The following SP3 variants were observed in gnomAD, a reference collection of about 807,000 sequenced individuals.
SP3 encodes transcription factor Sp3.
A neutral mutation model predicts 70.3 loss-of-function variants in SP3; 10 were observed. That is an observed-to-expected ratio of 0.14 (90% CI 0.09 to 0.24). The LOEUF (loss-of-function observed/expected upper bound fraction) is 0.24. SP3 is among the 10% of genes least tolerant of loss of function. The pLI is 1.00. For missense variants in SP3, 825 were observed against 914.6 expected, an observed-to-expected ratio of 0.90 and a Z score of 1.26; for synonymous variants, 402 against 333.5, an observed-to-expected ratio of 1.21 and a Z score of -2.24.
Position 173,918,614 on chromosome 2 carries a change from T to G in SP3, c.1811A>C (p.Asn604Thr). 6.2e-7 allele frequency: 1 copy of G among 1,613,548 alleles called. No individual in the cohort carries two copies. Among genetic ancestry groups the G allele is most frequent in the Non-Finnish European group, 8.5e-7 (1 of 1,179,594 alleles). Reference protein sequence around the residue: ...RLRRVACTCPNCKEGGGRGTN... With the variant: ...RLRRVACTCPTCKEGGGRGTN... ...ATACCTTCCACCACCTTCTTTACAG[T>G]TGGGACAGGTGCAAGCTACCCTCCG... The change falls in exon 5 of 7, where the codon AAC becomes ACC. Residue 604 changes from asparagine to threonine, a missense_variant. Asn to Thr is a moderately conservative substitution (Grantham distance 65). Coordinates refer to ENST00000310015, the MANE Select transcript of SP3 (RefSeq NM_003111.5).
intron 4 of SP3, among the ~76,000 whole-genome samples, chr2:173,928,723 G>A (rs538630792): frequency 5.9e-4 from 90 of 152,118 alleles, no homozygotes; most frequent in Non-Finnish European, 1.1e-3. Flanking sequence ...CATCTCTGCC[G>A]TATTACCTAT....
chr2:173,910,312 A>C, intron 6 of SP3, 55 bp from the exon 7 acceptor site: 1 of 1,467,426 alleles, frequency 6.8e-7, no homozygotes, highest in Non-Finnish European at 9.5e-7. Context: ...TTAATAGCTC[A>C]ATCATCTCCC....
chr2:173,919,626 T>C (rs918830094), intron 4 of SP3, among the ~76,000 whole-genome samples: 1 of 152,094 alleles, frequency 6.6e-6, no homozygotes, highest in Non-Finnish European at 1.5e-5. Flanking sequence ...TTGTTAAATA[T>C]CAGGGAAATA....
rs1167499437 is a variant in SP3 at position 173,907,150 on chromosome 2, CTTAAA to C, written c.*2786_*2790del. 6.6e-6 allele frequency: 1 copy of C among 152,098 alleles called. No individual in the cohort carries two copies. The allele number at this position is 152,098 out of a possible 1,614,324, so 9.4% of individuals were successfully genotyped here. A position where few individuals can be genotyped will look rare whatever the true frequency, so the allele number is the denominator to read the frequency against. ...TGAGATGCTCTTTAAGTGATACTTT[CTTAAA>C]TTAAAATTTGAGGTATACAGATAAT... is the stretch of plus-strand genomic sequence containing the variant. On this transcript the variant is annotated 3_prime_UTR_variant, in exon 7 of 7. Coordinates refer to ENST00000310015, the MANE Select transcript of SP3 (RefSeq NM_003111.5).
At chr2:173,940,353 G>A (rs889707104) in intron 4 of SP3, among the ~76,000 whole-genome samples, 9 of 152,140 alleles carry the variant, frequency 5.9e-5, no homozygotes, top group Admixed American at 3.9e-4. Flanking sequence ...TAGATCCCTC[G>A]CATGTGCAAT....
chr2:173,956,905 C>CTT, intron 3 of SP3, among the ~76,000 whole-genome samples: 1 of 152,244 alleles, frequency 6.6e-6, no homozygotes, highest in South Asian at 2.1e-4. Flanking sequence ...ACTTACTAGT[C>CTT]TAAGTTTTCA....
At chr2:173,940,880 A>G (rs371500151) in intron 4 of SP3, among the ~76,000 whole-genome samples, 7 of 152,216 alleles carry the variant, frequency 4.6e-5, no homozygotes, top group East Asian at 1.9e-4. Flanking sequence ...TCCAATCAAC[A>G]TATCTGTATC....
intron 1 of SP3, 200 bp from the exon 2 acceptor site, chr2:173,964,753 C>T (rs1383036997): frequency 2.4e-5 from 10 of 425,134 alleles, no homozygotes; most frequent in South Asian, 7.8e-5. Context: ...CTGCCTGTAA[C>T]CCTCCTCCTC....
At chr2:173,963,618 C>G (rs73030161) in intron 3 of SP3, 143 bp downstream of exon 3, 6,121 of 169,326 alleles carry the variant, frequency 0.036, 177 homozygotes, top group Admixed American at 0.1. Flanking sequence ...TGCGAAAGAG[C>G]AGGAAAGGGC....
At chr2:173,934,025 T>C (rs1574410246) in intron 4 of SP3, among the ~76,000 whole-genome samples, 1 of 151,776 alleles carries the variant, frequency 6.6e-6, no homozygotes, top group Non-Finnish European at 1.5e-5. Flanking sequence ...TGAGCCCAGG[T>C]GTTCAAGACC....
intron 4 of SP3, among the ~76,000 whole-genome samples, chr2:173,930,694 TTCTAGCA>T (rs1360049145): frequency 6.6e-6 from 1 of 152,224 alleles, no homozygotes; most frequent in African/African-American, 2.4e-5. Flanking sequence ...ATCGTCATGT[TTCTAGCA>T]TCTAACATCA....
At chr2:173,924,539 C>A (rs911721338) in intron 4 of SP3, among the ~76,000 whole-genome samples, 2 of 152,164 alleles carry the variant, frequency 1.3e-5, no homozygotes, top group Non-Finnish European at 2.9e-5. Context: ...GAGCACTATT[C>A]TAAGTGTTTA....
chr2:173,938,074 A>G (rs886391164), intron 4 of SP3, among the ~76,000 whole-genome samples: 2 of 152,198 alleles, frequency 1.3e-5, no homozygotes, highest in Non-Finnish European at 2.9e-5. Context: ...CCACAGGTTT[A>G]TATGTTGGCT....
chr2:173,963,201 A>G (rs1421571817), intron 3 of SP3: 1 of 152,210 alleles, frequency 6.6e-6, no homozygotes, highest in African/African-American at 2.4e-5. Context: ...AAATTTTAGT[A>G]GTCTGCAAAA....
rs1336961637 is a variant in SP3 at position 173,908,764 on chromosome 2, T to C, written c.*1177A>G. 6.6e-6 allele frequency: 1 copy of C among 152,204 alleles called. No individual in the cohort carries two copies. Among genetic ancestry groups the C allele is most frequent in the Non-Finnish European group, 1.5e-5 (1 of 67,848 alleles). 9.4% of individuals were successfully genotyped at this position (152,204 alleles called of 1,614,324 possible). ...TTTGTACATTTTTGAATTGAAAATA[T>C]AAACAATAATTAAAAAATAAAAAGA... is the stretch of plus-strand genomic sequence containing the variant. On this transcript the variant is annotated 3_prime_UTR_variant, in exon 7 of 7. Coordinates refer to ENST00000310015, the MANE Select transcript of SP3 (RefSeq NM_003111.5).
At chr2:173,946,921 G>A (rs1381668384) in intron 4 of SP3, among the ~76,000 whole-genome samples, 2 of 150,898 alleles carry the variant, frequency 1.3e-5, no homozygotes, top group Non-Finnish European at 3.0e-5. Flanking sequence ...GTCTTACTAT[G>A]TTGCCCTGGC....
At chr2:173,933,282 A>C (rs890508945) in intron 4 of SP3, among the ~76,000 whole-genome samples, 1 of 152,128 alleles carries the variant, frequency 6.6e-6, no homozygotes, top group Admixed American at 6.6e-5. Flanking sequence ...TTGAAAATTC[A>C]ATTTGTATTT....
chr2:173,910,117 C>G lies in SP3; in HGVS notation c.2170G>C (p.Asp724His). Residue 724 changes from aspartate (D) to histidine (H), a missense_variant, in exon 7 of 7, where the codon GAT becomes CAT. Coordinates refer to ENST00000310015, the MANE Select transcript of SP3 (RefSeq NM_003111.5). ...TVLASVEAAR[D>H]DTLITAGGTT... ...CCTCCTGCAGTAATCAAAGTATCAT[C>G]TCGCGCAGCTTCCACAGATGCCAGC... The G allele has an allele frequency of 6.2e-7, 1 of 1,612,382 alleles. No individual in the cohort carries two copies. The highest frequency in any genetic ancestry group is 8.5e-7 in the Non-Finnish European group (1 of 1,178,720).
intron 4 of SP3, among the ~76,000 whole-genome samples, chr2:173,951,605 C>T (rs1690714346): frequency 1.3e-5 from 2 of 152,116 alleles, no homozygotes; most frequent in African/African-American, 4.8e-5. Flanking sequence ...TCGGGCTGAA[C>T]CATATGAAGA....
Sources: allele counts gnomAD v4.1 joint callset (sites outside exome capture counted in the v4.1 genomes callset), GRCh38; gene constraint gnomAD v4.1.1; transcripts MANE v1.5; gene names NCBI Gene and HGNC (gene_info 2026-07-23, HGNC 2026-07-21).